The following PTPRD variants were observed in gnomAD, a reference collection of about 807,000 sequenced individuals.
PTPRD encodes receptor-type tyrosine-protein phosphatase delta.
In PTPRD, 34 loss-of-function variants were observed where a neutral mutation model predicts 214.5. The ratio of observed to expected loss-of-function variants is 0.16; its 90% CI spans 0.12 to 0.21. The LOEUF is 0.21. Ranked by LOEUF, PTPRD falls within the 10% of genes least tolerant of loss-of-function variation. PTPRD has a pLI of 1.00. For missense variants in PTPRD, 2,545 were observed against 2,398.7 expected (o/e 1.06, Z -1.27); for synonymous variants, 1,128 against 845.7 (o/e 1.33, Z -5.79).
rs73425440 is a variant in PTPRD at position 8,634,733 on chromosome 9, G to T, written c.211-1275C>A. On this transcript the variant is annotated intron_variant, in intron 13 of 45. Transcript: ENST00000381196. ...AAAAAGTTATTTATGATCATTTTAT[G>T]ATTTAGGTAGGAAAAGGTTAAAGCA... Among the ~76,000 whole-genome samples the T allele has an allele frequency of 2.0e-3, 302 of 152,040 alleles. 1 individual carries two copies. Among genetic ancestry groups the T allele is most frequent in the African/African-American group, 7.1e-3 (293 of 41,502 alleles).
intron 14 of PTPRD, among the ~76,000 whole-genome samples, chr9:8,599,143 T>C (rs1468041549): frequency 4.6e-5 from 7 of 152,186 alleles, no homozygotes; most frequent in Admixed American, 1.3e-4. Flanking sequence ...GGAGTTCTCC[T>C]GCATACATTC....
intron 9 of PTPRD, among the ~76,000 whole-genome samples, chr9:9,336,117 G>A (rs1042436453): frequency 6.6e-5 from 10 of 151,454 alleles, no homozygotes; most frequent in South Asian, 2.1e-4. Flanking sequence ...TCATTATTAC[G>A]GAGAAATGCA....
intron 10 of PTPRD, among the ~76,000 whole-genome samples, chr9:9,053,324 A>C (rs1012071002): frequency 6.6e-6 from 1 of 152,142 alleles, no homozygotes; most frequent in East Asian, 1.9e-4. Flanking sequence ...AATCATTAAA[A>C]ATTTTGAATC....
At chr9:9,805,948 T>C (rs2099070364) in intron 5 of PTPRD, among the ~76,000 whole-genome samples, 1 of 152,140 alleles carries the variant, frequency 6.6e-6, no homozygotes, top group Non-Finnish European at 1.5e-5. Context: ...CAAATTAATA[T>C]ATTCACTCAA....
intron 3 of PTPRD, among the ~76,000 whole-genome samples, chr9:10,168,075 A>G (rs1457819256): frequency 6.6e-6 from 1 of 152,220 alleles, no homozygotes; most frequent in East Asian, 1.9e-4. Flanking sequence ...GCTATATTTT[A>G]AGACTGTGTA....
chr9:9,495,953 G>A (rs149989418), intron 8 of PTPRD, among the ~76,000 whole-genome samples: 1 of 152,140 alleles, frequency 6.6e-6, no homozygotes, highest in African/African-American at 2.4e-5. Context: ...CCCAACTTGG[G>A]TGCCACCTCA....
At chr9:10,309,870 A>G (rs964270045) in intron 3 of PTPRD, among the ~76,000 whole-genome samples, 1 of 152,110 alleles carries the variant, frequency 6.6e-6, no homozygotes, top group African/African-American at 2.4e-5. Flanking sequence ...ATTTGACAAC[A>G]TTTTTGGACA....
chr9:9,098,737 A>G (rs539385588), intron 10 of PTPRD, among the ~76,000 whole-genome samples: 1 of 152,338 alleles, frequency 6.6e-6, no homozygotes, highest in East Asian at 1.9e-4. Context: ...ATACAAATGG[A>G]TACAACATTT....
At chr9:10,605,963 G>T (rs2079211506) in intron 2 of PTPRD, among the ~76,000 whole-genome samples, 1 of 151,720 alleles carries the variant, frequency 6.6e-6, no homozygotes, top group Admixed American at 6.6e-5. Context: ...ATAGAAGAGG[G>T]TGCAACCTCT....
intron 11 of PTPRD, among the ~76,000 whole-genome samples, chr9:8,832,115 T>C (rs1013734315): frequency 1.6e-5 from 2 of 124,688 alleles, no homozygotes; most frequent in African/African-American, 6.3e-5. Flanking sequence ...TGTGTGTGTG[T>C]GTGTGTGTGT....
chr9:9,486,185 A>AAAAAAAAAAAAAT (rs2095628114), intron 8 of PTPRD, among the ~76,000 whole-genome samples: 1 of 136,178 alleles, frequency 7.3e-6, no homozygotes, highest in African/African-American at 2.8e-5. Flanking sequence ...AAAAAAAAAA[A>AAAAAAAAAAAAAT]GCCTTCCCTT....
At chr9:8,756,666 A>C (rs2094009927) in intron 11 of PTPRD, among the ~76,000 whole-genome samples, 1 of 152,212 alleles carries the variant, frequency 6.6e-6, no homozygotes, top group Admixed American at 6.5e-5. Context: ...AGGAATTTCC[A>C]AGGTACTTAT....
intron 7 of PTPRD, among the ~76,000 whole-genome samples, chr9:9,596,649 C>T (rs961457609): frequency 2.6e-5 from 4 of 151,896 alleles, no homozygotes; most frequent in Non-Finnish European, 4.4e-5. Context: ...TTCATATAGT[C>T]TAGGGTATGG....
chr9:9,436,997 G>A (rs183966601), intron 8 of PTPRD, among the ~76,000 whole-genome samples: 3 of 151,972 alleles, frequency 2.0e-5, no homozygotes, highest in Non-Finnish European at 4.4e-5. Context: ...CCTTCTATCC[G>A]TTGTTTGTGT....
chr9:8,398,157 A>G (rs1376712560), intron 36 of PTPRD, among the ~76,000 whole-genome samples: 2 of 152,188 alleles, frequency 1.3e-5, no homozygotes. Context: ...GCATAACACT[A>G]AAGATAATCT....
chr9:9,144,851 C>G (rs1376941213), intron 10 of PTPRD, among the ~76,000 whole-genome samples: 1 of 151,996 alleles, frequency 6.6e-6, no homozygotes, highest in Non-Finnish European at 1.5e-5. Context: ...ACCGCAAAAG[C>G]AATATTGTTA....
intron 39 of PTPRD, among the ~76,000 whole-genome samples, chr9:8,373,913 T>TCTATCTATCTATCTACCTAC (rs373840784): frequency 8.9e-5 from 7 of 78,500 alleles, no homozygotes; most frequent in Non-Finnish European, 1.4e-4. Flanking sequence ...TATCTATCTA[T>TCTATCTATCTATCTACCTAC]CTACCTACCT....
chr9:9,567,822 T>C (rs1409897652), intron 8 of PTPRD, among the ~76,000 whole-genome samples: 1 of 151,960 alleles, frequency 6.6e-6, no homozygotes, highest in Admixed American at 6.6e-5. Context: ...AAATGATCCT[T>C]ATAGGCTGGG....
At chr9:10,235,380 T>C (rs2099625642) in intron 3 of PTPRD, among the ~76,000 whole-genome samples, 2 of 151,930 alleles carry the variant, frequency 1.3e-5, no homozygotes, top group Non-Finnish European at 2.9e-5. Context: ...TTCCATTTAC[T>C]AAGGAAAATT....
Sources: allele counts gnomAD v4.1 joint callset (sites outside exome capture counted in the v4.1 genomes callset), GRCh38; gene constraint gnomAD v4.1.1; transcripts MANE v1.5; gene names NCBI Gene and HGNC (gene_info 2026-07-23, HGNC 2026-07-21).